ACD: variants seen among roughly 807,000 people sequenced by gnomAD.
ACD encodes ACD shelterin complex subunit and telomerase recruitment factor, also known as adrenocortical dysplasia protein homolog.
Under a neutral mutation model 53.9 loss-of-function variants are expected in ACD, and 39 were observed. The observed-to-expected ratio is 0.72, with a 90% CI of 0.56 to 0.95. ACD has a LOEUF of 0.95. Among genes scored for constraint, ACD ranks in the 40% least tolerant of loss-of-function variants. ACD has a pLI of 0.00. For synonymous variants in ACD, 273 were observed against 249.2 expected, an observed-to-expected ratio of 1.10 and a Z score of -0.90; for missense variants, 526 against 587.9, an observed-to-expected ratio of 0.89 and a Z score of 1.09.
chr16:67,658,364 TGAG>T lies in ACD; in HGVS notation c.830-5_830-3del, dbSNP rs747119169. On this transcript the variant is annotated splice_region_variant and splice_polypyrimidine_tract_variant and intron_variant, in intron 9 of 11. Transcript: ENST00000620761. ...TGTGGCCGGGTAAGGCCGGGGTTCC[TGAG>T]GAGGAGGGGACTTATTGTAGGCACA... The T allele has an allele frequency of 1.2e-6, 2 of 1,613,438 alleles. No homozygotes were observed. Among genetic ancestry groups the T allele is most frequent in the Non-Finnish European group, 1.7e-6 (2 of 1,179,890 alleles).
At position 67,658,815 on chromosome 16, in the gene ACD, C is replaced by G. The variant is rs2052932380; in HGVS notation, c.647G>C (p.Gly216Ala). The G allele has an allele frequency of 6.2e-7, 1 of 1,610,174 alleles. No individual in the cohort carries two copies. Among genetic ancestry groups the G allele is most frequent in the Non-Finnish European group, 8.5e-7 (1 of 1,177,316 alleles). The part of the protein sequence containing the change: ...HWAASRCKAT[G>A]EAVYTVPSSM... ...GCTGGGGACAGTGTACACAGCTTCT[C>G]CCTGTGGGACATGAACTCTGTAGGA... The change falls in exon 8 of 12, where the codon GGA (glycine) becomes GCA (alanine). Residue 216 changes from glycine to alanine, a missense_variant and splice_region_variant. Coordinates refer to ENST00000620761, the MANE Select transcript of ACD (RefSeq NM_001082486.2).
At position 67,660,221 on chromosome 16, in the gene ACD, C is replaced by A; in HGVS notation, c.-1G>T. On this transcript the variant is annotated 5_prime_UTR_variant, in exon 1 of 12. Transcript: ENST00000620761. The stretch of plus-strand genomic sequence containing the variant: ...GGACCAGCCTCCCCGAACCTGCCAT[C>A]CCCACGGCTACACCCAGCGGATGCA... 6.2e-7 allele frequency: 1 copy of A among 1,612,762 alleles called. No homozygotes were observed. The highest frequency in any genetic ancestry group is 1.1e-5 in the South Asian group (1 of 91,090).
Position 67,657,849 on chromosome 16 carries a change from G to T in ACD, c.1211C>A (p.Pro404His), listed in dbSNP as rs201907421. Residue 404 changes from proline to histidine, a missense_variant, in exon 11 of 12, where the codon CCC becomes CAC. Transcript: ENST00000620761. The surrounding 1 kb of genome is among the most constrained non-coding windows in gnomAD (Gnocchi z 4.5). ...GAQEPCSVWEPPKRHRDGSAF... is the reference protein window; with the variant it reads ...GAQEPCSVWEHPKRHRDGSAF... ...AGAACCATCACGATGCCTCTTTGGG[G>T]GTTCCTGAAAGGGGTATGGTGTCTG... The T allele has an allele frequency of 3.3e-5, 54 of 1,614,038 alleles. No individual in the cohort carries two copies. In the African/African-American group the frequency reaches 6.8e-4, roughly 20 times the overall value.
intron 9 of ACD, 84 bp from the exon 10 acceptor site, chr16:67,658,446 G>C: frequency 1.2e-6 from 2 of 1,604,776 alleles, no homozygotes; most frequent in Non-Finnish European, 1.7e-6. Flanking sequence ...AGGACTGCAG[G>C]GACCGTGTTC....
At position 67,657,551 on chromosome 16, in the gene ACD, A is replaced by G; in HGVS notation, c.*55T>C. On this transcript the variant is annotated 3_prime_UTR_variant, in exon 12 of 12. Coordinates refer to ENST00000620761, the MANE Select transcript of ACD (RefSeq NM_001082486.2). This position sits in a 1 kb window ranked among gnomAD's most constrained non-coding sequence, Gnocchi z 4.5. Reference sequence around the variant, plus strand: ...CTCTCCTGCCGCATGAGATTATTTTATTAAAAAACTCAAAGGAAGCAGAGT... The same window carrying G: ...CTCTCCTGCCGCATGAGATTATTTTGTTAAAAAACTCAAAGGAAGCAGAGT... The G allele has an allele frequency of 6.2e-7, 1 of 1,613,806 alleles. No individual in the cohort carries two copies. The highest frequency in any genetic ancestry group is 8.5e-7 in the Non-Finnish European group (1 of 1,179,780).
chr16:67,657,802 GCTCATA>G lies in ACD; in HGVS notation c.1252_1257del (p.Tyr418_Glu419del), dbSNP rs1406455607. ...CGAGCACAGAGGGACGTGCAGGGTGGCTCATACTCATACTGGAAGGCAGAACCATCA... is the reference window on the plus strand; with the variant it reads ...CGAGCACAGAGGGACGTGCAGGGTGGCTCATACTGGAAGGCAGAACCATCA... On this transcript the variant is annotated inframe_deletion, in exon 11 of 12. Transcript: ENST00000620761. This position sits in a 1 kb window ranked among gnomAD's most constrained non-coding sequence, Gnocchi z 4.5. 1.2e-6 allele frequency: 2 copies of G among 1,613,984 alleles called. No individual in the cohort carries two copies. Among genetic ancestry groups the G allele is most frequent in the Non-Finnish European group, 1.7e-6 (2 of 1,180,044 alleles).
At chr16:67,659,320 T>TA in intron 5 of ACD, 55 bp downstream of exon 5, 1 of 1,614,052 alleles carries the variant, frequency 6.2e-7, no homozygotes. Flanking sequence ...TCTACCTAGA[T>TA]ACACCATCCC....
chr16:67,657,535 C>T lies in ACD; in HGVS notation c.*71G>A, dbSNP rs187527679. 81 of 1,613,604 alleles carry T rather than the reference C, an allele frequency of 5.0e-5. No homozygotes were observed. The highest frequency in any genetic ancestry group is 3.1e-4 in the African/African-American group (23 of 75,030). ...AATCCCTGATCCTCTCCTCTCCTGC[C>T]GCATGAGATTATTTTATTAAAAAAC... On this transcript the variant is annotated 3_prime_UTR_variant, in exon 12 of 12. Transcript: ENST00000620761. This position sits in a 1 kb window ranked among gnomAD's most constrained non-coding sequence, Gnocchi z 4.5.
At position 67,658,231 on chromosome 16, in the gene ACD, A is replaced by T. The variant is rs2052915383; in HGVS notation, c.961T>A (p.Ser321Thr). The change falls in exon 10 of 12, where the codon TCA becomes ACA. Residue 321 changes from serine to threonine, a missense_variant. Ser to Thr is a moderately conservative substitution (Grantham distance 58). Transcript: ENST00000620761. The part of the protein sequence containing the change: ...SSSQPSPAIC[S>T]APATLTPRSP... Reference sequence around the variant, plus strand: ...CTGGGGGTCAGGGTGGCAGGGGCTGAGCAGATGGCTGGTGAGGGCTGGGAG... The same window carrying T: ...CTGGGGGTCAGGGTGGCAGGGGCTGTGCAGATGGCTGGTGAGGGCTGGGAG... The T allele has an allele frequency of 1.9e-6, 3 of 1,613,438 alleles. No homozygotes were observed. The highest frequency in any genetic ancestry group is 2.5e-6 in the Non-Finnish European group (3 of 1,179,980).
rs534010648 is a variant in ACD at position 67,660,249 on chromosome 16, G to T, written c.-29C>A. The T allele has an allele frequency of 9.3e-6, 15 of 1,612,476 alleles. No individual in the cohort carries two copies. The Admixed American group carries it at 1.0e-4, about 11-fold the overall frequency. ...CACGGCTACACCCAGCGGATGCAAC[G>T]GGCCCGGGTTTCCCGCGGGCGCCCA... On this transcript the variant is annotated 5_prime_UTR_variant, in exon 1 of 12. Transcript: ENST00000620761.
At position 67,658,721 on chromosome 16, in the gene ACD, C is replaced by G. The variant is rs776468683; in HGVS notation, c.741G>C (p.Gln247His). The change falls in exon 8 of 12, where the codon CAG becomes CAC. Residue 247 changes from glutamine (Q) to histidine (H), a missense_variant and splice_region_variant. Coordinates refer to ENST00000620761, the MANE Select transcript of ACD (RefSeq NM_001082486.2). ...LSSLGPCQRT[Q>H]GPELPPPDPA... ...CCCAACCTCTCCAGTCCCCCTTACC[C>G]TGTGTCCTCTGACAGGGGCCTAGAG... 11 of 1,610,864 alleles carry G rather than the reference C, an allele frequency of 6.8e-6. No individual in the cohort carries two copies. The African/African-American group carries it at 1.3e-4, about 20-fold the overall frequency.
Position 67,659,445 on chromosome 16 carries a change from T to C in ACD, c.414-26A>G, listed in dbSNP as rs757072954. 5.6e-6 allele frequency: 9 copies of C among 1,613,896 alleles called. No individual in the cohort carries two copies. The Admixed American group carries it at 1.0e-4, about 18-fold the overall frequency. On this transcript the variant is annotated intron_variant, in intron 4 of 11. Coordinates refer to ENST00000620761, the MANE Select transcript of ACD (RefSeq NM_001082486.2). ...CTAAGAAAAAGAGAAGGGTAGTTAATGGGGGCCCAAGCCCTCCTACCCCAT... is the reference window on the plus strand; with the variant it reads ...CTAAGAAAAAGAGAAGGGTAGTTAACGGGGGCCCAAGCCCTCCTACCCCAT...
Position 67,659,024 on chromosome 16 carries a change from C to T in ACD, c.549G>A (p.Gly183=), listed in dbSNP as rs766834225. 1.9e-6 allele frequency: 3 copies of T among 1,613,902 alleles called. No homozygotes were observed. In the South Asian group the frequency reaches 3.3e-5, roughly 18 times the overall value. ...DEMREDQEHQ[G]ALVCLAESCL... ...AGCTTTCAGCCAGGCACACGAGTGC[C>T]CCCTGATGCTCCTGGTCCTCCCGCA... The change falls in exon 7 of 12, where the codon GGG becomes GGA. Residue 183 remains glycine (G), a synonymous_variant. Transcript: ENST00000620761.
rs971678149 is a variant in ACD at position 67,658,918 on chromosome 16, C to T, written c.645+10G>A. 6.2e-7 allele frequency: 1 copy of T among 1,613,070 alleles called. No homozygotes were observed. Among genetic ancestry groups the T allele is most frequent in the African/African-American group, 1.3e-5 (1 of 75,026 alleles). ...ACCCTGACATCTCCCAAGCAAATCC[C>T]CAGACTGACCGTGGCCTTGCATCGT... On this transcript the variant is annotated intron_variant, in intron 7 of 11. Coordinates refer to ENST00000620761, the MANE Select transcript of ACD (RefSeq NM_001082486.2).
intron 4 of ACD, 42 bp from the exon 5 acceptor site, chr16:67,659,461 C>T: frequency 1.9e-6 from 3 of 1,614,078 alleles, no homozygotes; most frequent in South Asian, 1.1e-5. Context: ...CCCAAGCCCT[C>T]CTACCCCATA....
rs1567639181 is a variant in ACD at position 67,657,587 on chromosome 16, ATC to A, written c.*17_*18del. The A allele has an allele frequency of 6.2e-7, 1 of 1,614,108 alleles. No homozygotes were observed. The highest frequency in any genetic ancestry group is 1.1e-5 in the South Asian group (1 of 91,078). ...CAAAGGAAGCAGAGTGTGGAGCGGT[ATC>A]TGTCCTGCGTGACGTCTCACATCGG... On this transcript the variant is annotated 3_prime_UTR_variant, in exon 12 of 12. Coordinates refer to ENST00000620761, the MANE Select transcript of ACD (RefSeq NM_001082486.2). This position sits in a 1 kb window ranked among gnomAD's most constrained non-coding sequence, Gnocchi z 4.5.
rs774720294 is a variant in ACD, at chr16:67,660,254, C to A, written c.-34G>T. Reference sequence around the variant, plus strand: ...CTACACCCAGCGGATGCAACGGGCCCGGGTTTCCCGCGGGCGCCCAGGCCC... The same window carrying A: ...CTACACCCAGCGGATGCAACGGGCCAGGGTTTCCCGCGGGCGCCCAGGCCC... On this transcript the variant is annotated 5_prime_UTR_variant, in exon 1 of 12. Transcript: ENST00000620761. 2 of 1,612,424 alleles carry A rather than the reference C, an allele frequency of 1.2e-6. No individual in the cohort carries two copies. Among genetic ancestry groups the A allele is most frequent in the South Asian group, 1.1e-5 (1 of 91,080 alleles).
At position 67,658,968 on chromosome 16, in the gene ACD, G is replaced by T. The variant is rs1238004090; in HGVS notation, c.605C>A (p.Pro202His). Residue 202 changes from proline (P) to histidine (H), a missense_variant, in exon 7 of 12, where the codon CCC becomes CAC. Pro to His is a moderately conservative substitution (Grantham distance 77). Transcript: ENST00000620761. Reference protein sequence around the residue: ...CLTLEGPCTAPPVTHWAASRC... With the variant: ...CLTLEGPCTAHPVTHWAASRC... ...TGAGGCAGCCCAGTGGGTGACAGGG[G>T]GTGCTGTGCAAGGGCCCTCCAGTGT... is the stretch of plus-strand genomic sequence containing the variant. 6 of 1,613,876 alleles carry T rather than the reference G, an allele frequency of 3.7e-6. No individual in the cohort carries two copies. Among genetic ancestry groups the T allele is most frequent in the Non-Finnish European group, 5.1e-6 (6 of 1,180,000 alleles).
At position 67,660,101 on chromosome 16, in the gene ACD, GGGCCCT is replaced by G. The variant is rs759619436; in HGVS notation, c.99+15_99+20del. The G allele has an allele frequency of 9.9e-6, 16 of 1,612,160 alleles. No homozygotes were observed. Among genetic ancestry groups the G allele is most frequent in the Non-Finnish European group, 1.4e-5 (16 of 1,179,730 alleles). ...ACCCCGGGCCTCCGCCTCGGTCTCC[GGGCCCT>G]GAATGGGGGCTCACCTCAAGCAGCT... On this transcript the variant is annotated intron_variant, in intron 1 of 11. Transcript: ENST00000620761.
Sources: allele counts gnomAD v4.1 joint callset, GRCh38; gene constraint gnomAD v4.1.1; non-coding constraint Gnocchi (gnomAD v3.1); transcripts MANE v1.5; gene names NCBI Gene and HGNC (gene_info 2026-07-23, HGNC 2026-07-21).